PTK2B: variants seen among roughly 807,000 people sequenced by gnomAD.
The protein encoded by PTK2B is protein tyrosine kinase 2 beta.
A neutral mutation model predicts 142.9 loss-of-function variants in PTK2B; 71 were observed. That is an observed-to-expected ratio of 0.50 (90% CI 0.41 to 0.61). The LOEUF is 0.61. PTK2B is among the 20% of genes least tolerant of loss of function. The probability of loss-of-function intolerance (pLI) is 0.00; values close to 1 mark genes in which losing one functional copy is unlikely to be tolerated. For missense variants in PTK2B, 1,105 were observed against 1,320.4 expected (o/e 0.84, Z 2.53); for synonymous variants, 519 against 503.4 (o/e 1.03, Z -0.42).
intron 1 of PTK2B, among the ~76,000 whole-genome samples, chr8:27,389,646 G>C (rs562862318): frequency 8.5e-5 from 13 of 152,226 alleles, no homozygotes; most frequent in African/African-American, 2.9e-4. Flanking sequence ...AGCTGAAAAC[G>C]TGGTAAAGTC....
At position 27,458,582 on chromosome 8, in the gene PTK2B, C is replaced by A; in HGVS notation, c.*73C>A. 2.0e-6 allele frequency: 3 copies of A among 1,475,970 alleles called. No homozygotes were observed. Among genetic ancestry groups the A allele is most frequent in the South Asian group, 2.5e-5 (2 of 80,218 alleles). 91.4% of individuals were successfully genotyped at this position (1,475,970 alleles called of 1,614,324 possible). On this transcript the variant is annotated 3_prime_UTR_variant, in exon 31 of 31. Coordinates refer to ENST00000346049, the MANE Select transcript of PTK2B (RefSeq NM_173176.3). ...GTACCTCCCCTGCCTTGCTGTTGGT[C>A]ATGTGGGTCTTCCAGGGGGAAGGCC...
chr8:27,413,081 C>T (rs1165134420), intron 2 of PTK2B, among the ~76,000 whole-genome samples: 1 of 151,166 alleles, frequency 6.6e-6, no homozygotes, highest in African/African-American at 2.4e-5. Context: ...ATAGCTTTCT[C>T]CCAGATCCTC....
chr8:27,323,525 C>G (rs1803270261), upstream of PTK2B: 1 of 152,200 alleles, frequency 6.6e-6, no homozygotes, highest in African/African-American at 2.4e-5. Flanking sequence ...TCTTCTCTAA[C>G]TGGGGTAGAT....
At chr8:27,316,364 T>C (rs147171503) in intron 3 of PTK2B, among the ~76,000 whole-genome samples, 3 of 152,052 alleles carry the variant, frequency 2.0e-5, no homozygotes, top group Non-Finnish European at 2.9e-5. Flanking sequence ...TGTTAGATTA[T>C]ATAAAAAGGC....
chr8:27,370,106 A>G (rs1586176792), intron 1 of PTK2B, among the ~76,000 whole-genome samples: 1 of 152,252 alleles, frequency 6.6e-6, no homozygotes, highest in Non-Finnish European at 1.5e-5. Flanking sequence ...GAGTTCAGGT[A>G]GGAGCCATAA....
intron 1 of PTK2B, among the ~76,000 whole-genome samples, chr8:27,354,807 A>G (rs1805303101): frequency 6.6e-6 from 1 of 152,172 alleles, no homozygotes; most frequent in Non-Finnish European, 1.5e-5. Flanking sequence ...GATCTCACCA[A>G]CCAATTTGTG....
intron 1 of PTK2B, among the ~76,000 whole-genome samples, chr8:27,340,865 A>G (rs1007130121): frequency 6.6e-6 from 1 of 152,026 alleles, no homozygotes; most frequent in African/African-American, 2.4e-5. Context: ...TGAAGGAAGA[A>G]CCCACTTCCT....
At chr8:27,346,714 C>T (rs1435263054) in intron 1 of PTK2B, among the ~76,000 whole-genome samples, 1 of 152,252 alleles carries the variant, frequency 6.6e-6, no homozygotes, top group African/African-American at 2.4e-5. Flanking sequence ...CACTAAAAGT[C>T]ATCCAGCCCA....
intron 1 of PTK2B, among the ~76,000 whole-genome samples, chr8:27,346,607 G>A (rs1586128034): frequency 2.6e-5 from 4 of 152,318 alleles, no homozygotes; most frequent in South Asian, 4.1e-4. Flanking sequence ...AGGAAGTGAC[G>A]AGCAGTCTCC....
intron 3 of PTK2B, among the ~76,000 whole-genome samples, chr8:27,319,847 A>T (rs1341745789): frequency 2.6e-5 from 4 of 152,174 alleles, no homozygotes; most frequent in African/African-American, 9.7e-5. Flanking sequence ...ATGGTGGTGT[A>T]TTAGCTAGGA....
chr8:27,310,768 G>C (rs1454613536), upstream of PTK2B: 1 of 1,541,162 alleles, frequency 6.5e-7, no homozygotes, highest in Non-Finnish European at 8.8e-7. Flanking sequence ...TCCAGACCCG[G>C]CTCGGCCGCC....
chr8:27,386,198 C>CTGATG, intron 1 of PTK2B, among the ~76,000 whole-genome samples: 1 of 152,238 alleles, frequency 6.6e-6, no homozygotes. Context: ...TGCTAGTGCT[C>CTGATG]CGACTTCCCC....
chr8:27,431,436 T>C lies in PTK2B; in HGVS notation c.849T>C (p.Pro283=), dbSNP rs149578035. ...WNITVDLVIG[P]KGIRQLTSQD... is the part of the protein sequence containing the mutation. ...TTACTGTGGACCTGGTCATTGGCCC[T>C]AAAGGGATCCGCCAGCTGACTAGTC... The change falls in exon 9 of 31, where the codon CCT becomes CCC. Residue 283 remains proline, a synonymous_variant. Coordinates refer to ENST00000346049, the MANE Select transcript of PTK2B (RefSeq NM_173176.3). 3.8e-5 allele frequency: 62 copies of C among 1,614,174 alleles called. No individual in the cohort carries two copies. Among genetic ancestry groups the C allele is most frequent in the Middle Eastern group, 3.3e-4 (2 of 6,062 alleles).
At chr8:27,419,025 C>G (rs1457688263) in intron 2 of PTK2B, among the ~76,000 whole-genome samples, 1 of 130,688 alleles carries the variant, frequency 7.7e-6, no homozygotes, top group Admixed American at 7.7e-5. Flanking sequence ...GAGACTCCAT[C>G]TCAAGAAAAA....
intron 1 of PTK2B, among the ~76,000 whole-genome samples, chr8:27,365,637 G>A (rs114133867): frequency 6.6e-6 from 1 of 151,064 alleles, no homozygotes; most frequent in Non-Finnish European, 1.5e-5. Context: ...CATGGTAGAA[G>A]AATGATAATA....
chr8:27,372,807 G>T (rs1806439414), intron 1 of PTK2B, among the ~76,000 whole-genome samples: 1 of 152,194 alleles, frequency 6.6e-6, no homozygotes, highest in South Asian at 2.1e-4. Context: ...ATGCAAACTA[G>T]TGGTCCTGGA....
upstream of PTK2B, chr8:27,325,237 C>T (rs113764473): frequency 1.3e-5 from 2 of 152,292 alleles, no homozygotes; most frequent in East Asian, 3.9e-4. Context: ...ACCTCACACA[C>T]ACCTTTTGGC....
intron 28 of PTK2B, 135 bp downstream of exon 28, chr8:27,453,295 G>C: frequency 8.2e-7 from 1 of 1,213,758 alleles, no homozygotes; most frequent in Non-Finnish European, 1.2e-6. Flanking sequence ...GAAGCCCGGG[G>C]TTAGGGGGCG....
intron 22 of PTK2B, 30 bp from the exon 23 acceptor site, chr8:27,444,176 G>A: frequency 6.3e-7 from 1 of 1,593,192 alleles, no homozygotes; most frequent in Non-Finnish European, 8.6e-7. Context: ...GAGAGGGACA[G>A]AGACTGACCC....
Sources: allele counts gnomAD v4.1 joint callset (sites outside exome capture counted in the v4.1 genomes callset), GRCh38; gene constraint gnomAD v4.1.1; transcripts MANE v1.5; gene names NCBI Gene and HGNC (gene_info 2026-07-23, HGNC 2026-07-21).